Variants in DSCAM observed in about 807,000 individuals in gnomAD.
DSCAM encodes DS cell adhesion molecule, also known as cell adhesion molecule DSCAM.
A neutral mutation model predicts 217.7 loss-of-function variants in DSCAM; 47 were observed. The ratio of observed to expected loss-of-function variants is 0.22; its 90% CI spans 0.17 to 0.28. The LOEUF is 0.28. Ranked by LOEUF, DSCAM falls within the 10% of genes least tolerant of loss-of-function variation. DSCAM has a pLI of 1.00. For missense variants in DSCAM, 2,080 were observed against 2,618.3 expected (o/e 0.79, Z 4.49); for synonymous variants, 1,056 against 1,015.3 (o/e 1.04, Z -0.76).
At chr21:40,677,427 T>G (rs1227550180) in intron 3 of DSCAM, among the ~76,000 whole-genome samples, 2 of 151,992 alleles carry the variant, frequency 1.3e-5, no homozygotes, top group Admixed American at 6.6e-5. Flanking sequence ...ATGCAGATAG[T>G]CACAAGGTTG....
At chr21:40,678,686 A>C (rs2090367605) in intron 3 of DSCAM, among the ~76,000 whole-genome samples, 1 of 152,212 alleles carries the variant, frequency 6.6e-6, no homozygotes, top group Admixed American at 6.5e-5. Flanking sequence ...TAAATTGGTG[A>C]AGCATATTGA....
At chr21:40,309,282 A>T (rs945100626) in intron 9 of DSCAM, among the ~76,000 whole-genome samples, 1 of 152,220 alleles carries the variant, frequency 6.6e-6, no homozygotes, top group African/African-American at 2.4e-5. Flanking sequence ...ACCAGGTCAT[A>T]AACAATATCC....
chr21:40,783,919 T>C (rs1037133649), intron 1 of DSCAM, among the ~76,000 whole-genome samples: 1 of 151,986 alleles, frequency 6.6e-6, no homozygotes, highest in African/African-American at 2.4e-5. Context: ...CTTTAAAAAA[T>C]TGGAAAGGTC....
At chr21:40,606,413 C>CT (rs1182782599) in intron 3 of DSCAM, among the ~76,000 whole-genome samples, 7 of 152,312 alleles carry the variant, frequency 4.6e-5, no homozygotes, top group Middle Eastern at 3.4e-3. Flanking sequence ...TTTATGTTAC[C>CT]TTTAAAATGT....
At chr21:40,691,025 C>T (rs1387458387) in intron 3 of DSCAM, among the ~76,000 whole-genome samples, 1 of 152,104 alleles carries the variant, frequency 6.6e-6, no homozygotes, top group Non-Finnish European at 1.5e-5. Context: ...GTACAACAAA[C>T]CCCCATGACA....
Position 40,282,590 on chromosome 21 carries a change from CAAAAAAAAAAAAA to C in DSCAM, c.2183-6333_2183-6321del, listed in dbSNP as rs528248714. Among the ~76,000 whole-genome samples the C allele has an allele frequency of 7.6e-3, 251 of 32,956 alleles. 2 individuals carry two copies. The highest frequency in any genetic ancestry group is 0.013 in the African/African-American group (230 of 17,404). 21.6% of individuals were successfully genotyped at this position (32,956 alleles called of 152,430 possible). On this transcript the variant is annotated intron_variant, in intron 10 of 32. Coordinates refer to ENST00000400454, the MANE Select transcript of DSCAM (RefSeq NM_001389.5). ...TGGGCGAAAGAGCGAGACTCTGTCT[CAAAAAAAAAAAAA>C]AAAAAAAAAAAAAAAAAGATAGGTA...
chr21:40,487,300 CGTGCGTGTGTGTGT>C (rs1221746315), intron 3 of DSCAM, among the ~76,000 whole-genome samples: 3 of 96,662 alleles, frequency 3.1e-5, no homozygotes, highest in African/African-American at 1.4e-4. Flanking sequence ...TGCGTGTGTG[CGTGCGTGTGTGTGT>C]GTGTGTGTGT....
intron 32 of DSCAM, among the ~76,000 whole-genome samples, chr21:40,029,954 G>A (rs956578818): frequency 6.6e-6 from 1 of 152,148 alleles, no homozygotes; most frequent in Non-Finnish European, 1.5e-5. Flanking sequence ...TTATACTAAG[G>A]GTCTCCTTTC....
chr21:40,360,910 G>T (rs970156183), intron 4 of DSCAM, among the ~76,000 whole-genome samples: 7 of 152,124 alleles, frequency 4.6e-5, no homozygotes. Flanking sequence ...CACAATGGCA[G>T]GACTAAGTTA....
rs887098228 is a variant in DSCAM at position 40,669,592 on chromosome 21, T to C, written c.508+23218A>G. Reference sequence around the variant, plus strand: ...TTTTCCCAAATGTTGTTATATATATTTTTTTTTTTTTTTGAGACAGAGTCT... The same window carrying C: ...TTTTCCCAAATGTTGTTATATATATCTTTTTTTTTTTTTGAGACAGAGTCT... On this transcript the variant is annotated intron_variant, in intron 3 of 32. Transcript: ENST00000400454. 9.1e-4 allele frequency among the ~76,000 whole-genome samples: 120 copies of C among 131,774 alleles called. 1 individual carries two copies. The East Asian group carries it at 0.022, about 24-fold the overall frequency. The allele number at this position is 131,774 out of a possible 152,430, so 86.4% of individuals were successfully genotyped here.
intron 32 of DSCAM, among the ~76,000 whole-genome samples, chr21:40,029,316 T>C (rs1370861404): frequency 1.3e-5 from 2 of 152,142 alleles, no homozygotes; most frequent in Non-Finnish European, 2.9e-5. Context: ...CCTGCCCCAC[T>C]AGTGGTAGGG....
In DSCAM at chr21:40,144,467, C is replaced by A. The variant is rs761881401; in HGVS notation, c.3259+24G>T. On this transcript the variant is annotated intron_variant, in intron 17 of 32. Coordinates refer to ENST00000400454, the MANE Select transcript of DSCAM (RefSeq NM_001389.5). The surrounding 1 kb of genome is among the most constrained non-coding windows in gnomAD (Gnocchi z 4.8). Reference sequence around the variant, plus strand: ...GGAACCTTTGCGGAGGGAAAAGCCACGACCAGGCCCCGGCCGAACCTACCA... The same window carrying A: ...GGAACCTTTGCGGAGGGAAAAGCCAAGACCAGGCCCCGGCCGAACCTACCA... 30 of 1,611,412 alleles carry A rather than the reference C, an allele frequency of 1.9e-5. No homozygotes were observed. The highest frequency in any genetic ancestry group is 2.0e-5 in the Non-Finnish European group (24 of 1,178,062).
intron 32 of DSCAM, among the ~76,000 whole-genome samples, chr21:40,041,658 C>G (rs933119875): frequency 6.6e-6 from 1 of 152,176 alleles, no homozygotes; most frequent in Non-Finnish European, 1.5e-5. Flanking sequence ...AAATTTGCAG[C>G]TTTCACAACC....
intron 3 of DSCAM, among the ~76,000 whole-genome samples, chr21:40,371,011 CATAAA>C (rs1446175742): frequency 2.0e-5 from 3 of 152,056 alleles, no homozygotes; most frequent in Non-Finnish European, 4.4e-5. Flanking sequence ...TGAAAAAGAT[CATAAA>C]ATAACAGAGC....
chr21:40,624,419 G>C (rs954755202), intron 3 of DSCAM, among the ~76,000 whole-genome samples: 1 of 152,072 alleles, frequency 6.6e-6, no homozygotes, highest in African/African-American at 2.4e-5. Flanking sequence ...TGTAAGATCG[G>C]ATTGAAAAAA....
intron 16 of DSCAM, among the ~76,000 whole-genome samples, chr21:40,160,871 T>C (rs901629773): frequency 2.0e-5 from 3 of 152,192 alleles, no homozygotes; most frequent in Non-Finnish European, 4.4e-5. Flanking sequence ...GAAGAAACCA[T>C]CCAACAGGAT....
chr21:40,655,830 G>T (rs753528717), intron 3 of DSCAM, among the ~76,000 whole-genome samples: 1 of 152,088 alleles, frequency 6.6e-6, no homozygotes, highest in Admixed American at 6.5e-5. Context: ...AAGGTGAGGG[G>T]ATCGCTTGAG....
At chr21:40,070,831 T>C (rs1335786571) in intron 27 of DSCAM, among the ~76,000 whole-genome samples, 1 of 152,226 alleles carries the variant, frequency 6.6e-6, no homozygotes, top group Non-Finnish European at 1.5e-5. Flanking sequence ...CATAGCACCA[T>C]GAACCCAGAT....
intron 20 of DSCAM, 48 bp from the exon 21 acceptor site, chr21:40,093,922 A>T (rs1241571171): frequency 8.8e-6 from 14 of 1,584,312 alleles, no homozygotes; most frequent in Non-Finnish European, 1.2e-5. Flanking sequence ...AGCATGTGGC[A>T]AAAATGGATT....
Sources: allele counts gnomAD v4.1 joint callset (sites outside exome capture counted in the v4.1 genomes callset), GRCh38; gene constraint gnomAD v4.1.1; non-coding constraint Gnocchi (gnomAD v3.1); transcripts MANE v1.5; gene names NCBI Gene and HGNC (gene_info 2026-07-23, HGNC 2026-07-21).